The following TTN variants were observed in gnomAD, a reference collection of about 807,000 sequenced individuals.
The protein encoded by TTN is connectin.
In TTN, 1,525 loss-of-function variants were observed where a neutral mutation model predicts 3,223.0. The observed-to-expected ratio is 0.47, with a 90% CI of 0.45 to 0.49. The LOEUF is 0.49. Ranked by LOEUF, TTN falls within the 20% of genes least tolerant of loss-of-function variation. TTN has a pLI of 0.00. For missense variants in TTN, 40,786 were observed against 43,424.0 expected (o/e 0.94, Z 5.40); for synonymous variants, 14,094 against 15,161.0 (o/e 0.93, Z 5.17).
chr2:178,550,032 T>G lies in TTN; in HGVS notation c.91806A>C (p.Lys30602Asn). 6.2e-7 allele frequency: 1 copy of G among 1,611,848 alleles called. No individual in the cohort carries two copies. Among genetic ancestry groups the G allele is most frequent in the Non-Finnish European group, 8.5e-7 (1 of 1,178,280 alleles). Residue 30602 changes from lysine to asparagine, a missense_variant, in exon 337 of 363, where the codon AAA becomes AAC. Physicochemically the swap from Lys to Asn is moderately conservative, Grantham distance 94. Transcript: ENST00000589042. ...DHRGVYTVEAKNASGSAKAEI... is the reference protein window; with the variant it reads ...DHRGVYTVEANNASGSAKAEI... ...CTGCTTTTGCAGAACCAGATGCATT[T>G]TTGGCTTCCACTGTGTATACACCAC...
Position 178,647,371 on chromosome 2 carries a change from A to T in TTN, c.40141+10T>A, listed in dbSNP as rs531296261. 3.9e-6 allele frequency: 6 copies of T among 1,548,962 alleles called. No individual in the cohort carries two copies. In the South Asian group the frequency reaches 6.0e-5, roughly 15 times the overall value. ...GTCATCTTTCCAAGATTTATGGAGAAGCCGTGTACCTTCAGCAGGTGGAAC... is the reference window on the plus strand; with the variant it reads ...GTCATCTTTCCAAGATTTATGGAGATGCCGTGTACCTTCAGCAGGTGGAAC... On this transcript the variant is annotated intron_variant, in intron 214 of 362. Coordinates refer to ENST00000589042, the MANE Select transcript of TTN (RefSeq NM_001267550.2).
intron 50 of TTN, 139 bp downstream of exon 50, chr2:178,735,372 G>A (rs760834619): frequency 1.0e-5 from 9 of 873,154 alleles, no homozygotes; most frequent in Non-Finnish European, 1.3e-5. Flanking sequence ...ACAATGCCAG[G>A]ACTTTCCCAA....
chr2:178,730,099 C>G lies in TTN; in HGVS notation c.18301G>C (p.Val6101Leu). 7.3e-7 allele frequency: 1 copy of G among 1,361,784 alleles called. No individual in the cohort carries two copies. The highest frequency in any genetic ancestry group is 9.8e-7 in the Non-Finnish European group (1 of 1,020,744). 84.4% of individuals were successfully genotyped at this position (1,361,784 alleles called of 1,614,324 possible). ...GGAGATGTAGAGACCAGACCTTTTA[C>G]AAAGAGAGTGGCTTTGCTGGTTGCT... ...GTATSKATLF[V>L]KEPPQFIKKP... Residue 6101 changes from valine (V) to leucine (L), a missense_variant, in exon 62 of 363, where the codon GTA becomes CTA. Coordinates refer to ENST00000589042, the MANE Select transcript of TTN (RefSeq NM_001267550.2).
rs2071902211 is a variant in TTN at position 178,689,888 on chromosome 2, C to T, written c.31771G>A (p.Val10591Met). Residue 10591 changes from valine to methionine, a missense_variant, in exon 122 of 363, where the codon GTG becomes ATG. Physicochemically the swap from Val to Met is conservative, Grantham distance 21. Transcript: ENST00000589042. The part of the protein sequence containing the change: ...EPAAPPKVPE[V>M]PKKPVPEEKI... The stretch of plus-strand genomic sequence containing the variant: ...TCTTCAGGGACAGGTTTCTTTGGCA[C>T]CTCTGGGACTTAAAGTTTTTGAAAC... 1 of 1,613,024 alleles carries T rather than the reference C, an allele frequency of 6.2e-7. No individual in the cohort carries two copies. The highest frequency in any genetic ancestry group is 1.1e-5 in the South Asian group (1 of 90,844).
In TTN at chr2:178,577,885, T is replaced by C. The variant is rs1051353080; in HGVS notation, c.68541A>G (p.Lys22847=). Residue 22847 remains lysine, a synonymous_variant, in exon 323 of 363, where the codon AAA becomes AAG. Coordinates refer to ENST00000589042, the MANE Select transcript of TTN (RefSeq NM_001267550.2). ...TCCTTGTTATGTTAATAACCTCAGG[T>C]TTTCCAGGAGGATCTAAAACATAAA... ...VALDPIDPPG[K]PEVINITRNS... is the part of the protein sequence containing the mutation. The C allele has an allele frequency of 6.3e-7, 1 of 1,584,238 alleles. No individual in the cohort carries two copies.
chr2:178,770,173 AC>A lies in TTN; in HGVS notation c.8527del (p.Val2843SerfsTer9). 1 of 1,614,066 alleles carries A rather than the reference AC, an allele frequency of 6.2e-7. No homozygotes were observed. Among genetic ancestry groups the A allele is most frequent in the South Asian group, 1.1e-5 (1 of 91,082 alleles). ...CAGCTTGTGGACTTTCCTTTCTGAGACCAGTCTGTGTTTGTCACTTGGCTTA... is the reference window on the plus strand; with the variant it reads ...CAGCTTGTGGACTTTCCTTTCTGAGACAGTCTGTGTTTGTCACTTGGCTTA... Reference protein sequence around the residue: ...EIKPSDKHRLVSERKVHKLML... With the variant: ...EIKPSDKHRLXSERKVHKLML... On this transcript the variant is annotated frameshift_variant, in exon 36 of 363. Coordinates refer to ENST00000589042, the MANE Select transcript of TTN (RefSeq NM_001267550.2). LOFTEE classifies it high-confidence loss of function.
At position 178,534,494 on chromosome 2, in the gene TTN, C is replaced by T. The variant is rs377600383; in HGVS notation, c.102121G>A (p.Glu34041Lys). Residue 34041 changes from glutamate to lysine, a missense_variant, in exon 358 of 363, where the codon GAG becomes AAG. Physicochemically the swap from Glu to Lys is moderately conservative, Grantham distance 56. Transcript: ENST00000589042. ...AAATCCATGGCTTCAATGCTAATCT[C>T]TTTGAATGCTTCCTCATCGAAAGTA... is the stretch of plus-strand genomic sequence containing the variant. Reference protein sequence around the residue: ...EYTFDEEAFKEISIEAMDFVD... With the variant: ...EYTFDEEAFKKISIEAMDFVD... 7.5e-5 allele frequency: 121 copies of T among 1,613,650 alleles called. No homozygotes were observed. The highest frequency in any genetic ancestry group is 9.8e-5 in the Non-Finnish European group (116 of 1,179,812).
In TTN at chr2:178,795,317, G is replaced by T. The variant is rs370165939; in HGVS notation, c.915-65C>A. The T allele has an allele frequency of 3.1e-5, 46 of 1,503,504 alleles. No individual in the cohort carries two copies. In the African/African-American group the frequency reaches 4.8e-4, roughly 16 times the overall value. The allele number at this position is 1,503,504 out of a possible 1,614,324, so 93.1% of individuals were successfully genotyped here. On this transcript the variant is annotated intron_variant, in intron 6 of 362. Transcript: ENST00000589042. ...GGAGGGGTAACTGGATGTGAATCAT[G>T]AGATGAAAAGCTGGAAGTGCTTTAA...
In TTN at chr2:178,575,694, T is replaced by G; in HGVS notation, c.70438A>C (p.Lys23480Gln). ...YIVEKREATR[K>Q]SYSTATTKCH... is the part of the protein sequence containing the mutation. ...TTAGTGGTGGCTGTGGAATAAGATTTCCGTGTTGCTTCACGTTTCTCTACA... is the reference window on the plus strand; with the variant it reads ...TTAGTGGTGGCTGTGGAATAAGATTGCCGTGTTGCTTCACGTTTCTCTACA... The change falls in exon 326 of 363, where the codon AAA (lysine) becomes CAA (glutamine). Residue 23480 changes from lysine (K) to glutamine (Q), a missense_variant. Transcript: ENST00000589042. This position sits in a 1 kb window ranked among gnomAD's most constrained non-coding sequence, Gnocchi z 4.0. 1 of 1,613,568 alleles carries G rather than the reference T, an allele frequency of 6.2e-7. No individual in the cohort carries two copies. The highest frequency in any genetic ancestry group is 8.5e-7 in the Non-Finnish European group (1 of 1,179,648).
intron 263 of TTN, among the ~76,000 whole-genome samples, chr2:178,613,513 C>T (rs966516042): frequency 2.0e-5 from 3 of 151,798 alleles, no homozygotes; most frequent in Admixed American, 1.3e-4. Context: ...TCATAATATA[C>T]TGGGGGATCA....
Position 178,766,506 on chromosome 2 carries a change from C to G in TTN, c.9578G>C (p.Arg3193Pro). ...TCTTCTTTCCACTACATATTTGTGTCGTTCTTGAACTTGGAAATTGATTTC... is the reference window on the plus strand; with the variant it reads ...TCTTCTTTCCACTACATATTTGTGTGGTTCTTGAACTTGGAAATTGATTTC... ...GIEINFQVQE[R>P]HKYVVERRIH... is the part of the protein sequence containing the mutation. Residue 3193 changes from arginine to proline, a missense_variant, in exon 41 of 363, where the codon CGA (arginine) becomes CCA (proline). Arg to Pro is a moderately radical substitution (Grantham distance 103). Coordinates refer to ENST00000589042, the MANE Select transcript of TTN (RefSeq NM_001267550.2). 1 of 1,614,056 alleles carries G rather than the reference C, an allele frequency of 6.2e-7. No homozygotes were observed. Among genetic ancestry groups the G allele is most frequent in the Non-Finnish European group, 8.5e-7 (1 of 1,179,988 alleles).
chr2:178,677,855 A>G lies in TTN; in HGVS notation c.34057T>C (p.Phe11353Leu), dbSNP rs755879999. ...TCTTCAGGAACAATTTCTTCTTCAA[A>G]TAGAACTTCCTCTTCCTGAGGTAGA... ...VALPQEEEVL[F>L]EEEIVPEEEV... The change falls in exon 146 of 363, where the codon TTT becomes CTT. Residue 11353 changes from phenylalanine (F) to leucine (L), a missense_variant. Physicochemically the swap from Phe to Leu is conservative, Grantham distance 22. Coordinates refer to ENST00000589042, the MANE Select transcript of TTN (RefSeq NM_001267550.2). 6.2e-7 allele frequency: 1 copy of G among 1,612,320 alleles called. No homozygotes were observed. The highest frequency in any genetic ancestry group is 1.7e-5 in the Admixed American group (1 of 59,862).
chr2:178,634,438 G>C lies in TTN; in HGVS notation c.42343C>G (p.Gln14115Glu), dbSNP rs2060169705. ...KKHILVINDSQFDDEGVYTAE... is the reference protein window; with the variant it reads ...KKHILVINDSEFDDEGVYTAE... ...GTATAGACCCCTTCATCATCAAATT[G>C]AGAATCATTAATAACAAGAATATGT... Residue 14115 changes from glutamine to glutamate, a missense_variant, in exon 230 of 363, where the codon CAA (glutamine) becomes GAA (glutamate). Coordinates refer to ENST00000589042, the MANE Select transcript of TTN (RefSeq NM_001267550.2). The surrounding 1 kb of genome is among the most constrained non-coding windows in gnomAD (Gnocchi z 4.6). 6.2e-7 allele frequency: 1 copy of C among 1,613,044 alleles called. No individual in the cohort carries two copies. Among genetic ancestry groups the C allele is most frequent in the Non-Finnish European group, 8.5e-7 (1 of 1,179,442 alleles).
chr2:178,726,937 G>C (rs1321947670), intron 69 of TTN, 153 bp downstream of exon 69: 1 of 762,516 alleles, frequency 1.3e-6, no homozygotes, highest in African/African-American at 1.8e-5. Flanking sequence ...ATTCAAGAAG[G>C]AAACCATCTA....
At position 178,722,809 on chromosome 2, in the gene TTN, G is replaced by A. The variant is rs397517500; in HGVS notation, c.22090C>T (p.Arg7364Trp). 105 of 1,613,118 alleles carry A rather than the reference G, an allele frequency of 6.5e-5. No individual in the cohort carries two copies. Among genetic ancestry groups the A allele is most frequent in the South Asian group, 4.5e-4 (41 of 91,048 alleles). Residue 7364 changes from arginine to tryptophan, a missense_variant, in exon 76 of 363, where the codon CGG (arginine) becomes TGG (tryptophan). Transcript: ENST00000589042. ...TAGGTCCTGTATTCAGGAGTTGGCC[G>A]TAATTTGGTATCTCCTTTGTACCAA... Reference protein sequence around the residue: ...VSWYKGDTKLRPTPEYRTYFT... With the variant: ...VSWYKGDTKLWPTPEYRTYFT...
chr2:178,589,939 T>C lies in TTN; in HGVS notation c.61786A>G (p.Asn20596Asp). ...CTISWENPLD[N>D]GGSEITNFIV... ...AAGTTTGTTATTTCTGAGCCACCATTATCTAGTGGGTTTTCCCAAGAAATT... is the reference window on the plus strand; with the variant it reads ...AAGTTTGTTATTTCTGAGCCACCATCATCTAGTGGGTTTTCCCAAGAAATT... The change falls in exon 304 of 363, where the codon AAT (asparagine) becomes GAT (aspartate). Residue 20596 changes from asparagine (N) to aspartate (D), a missense_variant. By Grantham distance (23) the Asn-to-Asp change is conservative. Coordinates refer to ENST00000589042, the MANE Select transcript of TTN (RefSeq NM_001267550.2). 3 of 1,613,244 alleles carry C rather than the reference T, an allele frequency of 1.9e-6. No individual in the cohort carries two copies. The highest frequency in any genetic ancestry group is 2.5e-6 in the Non-Finnish European group (3 of 1,179,520).
At chr2:178,556,580 C>T in intron 330 of TTN, 1 of 461,420 alleles carries the variant, frequency 2.2e-6, no homozygotes. Context: ...AATGAAAGCA[C>T]CAACTCATAC....
rs892684142 is a variant in TTN, at chr2:178,695,938, G to C, written c.31134C>G (p.Asp10378Glu). The part of the protein sequence containing the change: ...QEYYEREEGY[D>E]EGEEEWEEAY... ...CCTCTTCCCACTCTTCCTCCCCTTC[G>C]TCATAGCCTTCTTCCCTTTCATAGT... Residue 10378 changes from aspartate (D) to glutamate (E), a missense_variant, in exon 114 of 363, where the codon GAC becomes GAG. Asp to Glu is a conservative substitution (Grantham distance 45). Transcript: ENST00000589042. 6.6e-7 allele frequency: 1 copy of C among 1,510,070 alleles called. No individual in the cohort carries two copies. The highest frequency in any genetic ancestry group is 2.3e-5 in the Admixed American group (1 of 44,250). The allele number at this position is 1,510,070 out of a possible 1,614,324, so 93.5% of individuals were successfully genotyped here. A position where few individuals can be genotyped will look rare whatever the true frequency, so the allele number is the denominator to read the frequency against.
At chr2:178,774,539 A>T (rs2091969290) in intron 29 of TTN, 66 bp from the exon 30 acceptor site, 9 of 1,499,720 alleles carry the variant, frequency 6.0e-6, no homozygotes, top group Admixed American at 1.8e-5. Context: ...CTTAGGATAG[A>T]GATGATGTCT....
Sources: allele counts gnomAD v4.1 joint callset (sites outside exome capture counted in the v4.1 genomes callset), GRCh38; gene constraint gnomAD v4.1.1; non-coding constraint Gnocchi (gnomAD v3.1); transcripts MANE v1.5; gene names NCBI Gene and HGNC (gene_info 2026-07-23, HGNC 2026-07-21).